Variants in SNX24 observed in about 807,000 individuals in gnomAD.
The protein encoded by SNX24 is sorting nexin 24.
A neutral mutation model predicts 28.7 loss-of-function variants in SNX24; 22 were observed. That is an observed-to-expected ratio of 0.77 (90% CI 0.55 to 1.10). The LOEUF (loss-of-function observed/expected upper bound fraction) is 1.10, where lower values mean the gene tolerates loss of function less well. SNX24 is among the 50% of genes least tolerant of loss of function. The pLI, the probability that SNX24 is intolerant of heterozygous loss-of-function variation, is 0.00. For synonymous variants in SNX24, 69 were observed against 71.5 expected (o/e 0.96, Z 0.18); for missense variants, 221 against 201.1 (o/e 1.10, Z -0.60).
intron 1 of SNX24, among the ~76,000 whole-genome samples, chr5:122,872,142 C>G (rs1220997704): frequency 6.7e-6 from 1 of 149,254 alleles, no homozygotes; most frequent in Non-Finnish European, 1.5e-5. Context: ...CTTTTTTTCT[C>G]ACTTTTGAAT....
chr5:122,976,174 T>C (rs76717601), intron 3 of SNX24, among the ~76,000 whole-genome samples: 3,711 of 152,056 alleles, frequency 0.024, 140 homozygotes, highest in African/African-American at 0.071. Flanking sequence ...GGAAGAAATA[T>C]GGGAAATTCT....
intron 1 of SNX24, among the ~76,000 whole-genome samples, chr5:122,852,393 A>G (rs1476908590): frequency 1.3e-5 from 2 of 150,774 alleles, no homozygotes; most frequent in Non-Finnish European, 3.0e-5. Context: ...GCCCAGGCTG[A>G]GTTCAGTGGT....
chr5:122,931,385 T>A (rs1299341440), intron 1 of SNX24, among the ~76,000 whole-genome samples: 1 of 152,188 alleles, frequency 6.6e-6, no homozygotes, highest in African/African-American at 2.4e-5. Flanking sequence ...ATATGTGTTG[T>A]GAATTAATAC....
At chr5:122,927,132 C>T (rs1758734947) in intron 1 of SNX24, among the ~76,000 whole-genome samples, 1 of 152,132 alleles carries the variant, frequency 6.6e-6, no homozygotes, top group Admixed American at 6.5e-5. Context: ...TTGCAACAAA[C>T]CTATGTGATA....
At chr5:122,998,846 C>G (rs1028694674) in intron 3 of SNX24, among the ~76,000 whole-genome samples, 2 of 152,188 alleles carry the variant, frequency 1.3e-5, no homozygotes, top group Non-Finnish European at 2.9e-5. Context: ...TGTTATGTAT[C>G]TTATGCACCA....
At chr5:122,954,774 A>G (rs963988789) in intron 3 of SNX24, among the ~76,000 whole-genome samples, 4 of 151,902 alleles carry the variant, frequency 2.6e-5, no homozygotes, top group African/African-American at 9.7e-5. Flanking sequence ...TTAAGGTGTT[A>G]TTTTAAAAAG....
chr5:122,999,418 C>G (rs185593143), intron 3 of SNX24, among the ~76,000 whole-genome samples: 11 of 151,738 alleles, frequency 7.2e-5, no homozygotes, highest in African/African-American at 2.4e-4. Flanking sequence ...AATAATTTAT[C>G]ATATTTCCTA....
At chr5:123,019,824 A>ACAT (rs925368332) in intron 5 of SNX24, among the ~76,000 whole-genome samples, 46 of 152,360 alleles carry the variant, frequency 3.0e-4, no homozygotes, top group African/African-American at 1.1e-3. Flanking sequence ...TTTGCAGAAA[A>ACAT]CATTAAAAAG....
chr5:123,014,048 T>C (rs1203154020), downstream of SNX24, among the ~76,000 whole-genome samples: 1 of 152,224 alleles, frequency 6.6e-6, no homozygotes, highest in African/African-American at 2.4e-5. Context: ...ATGTGTGTAT[T>C]CTTATTCCAA....
At chr5:122,930,914 A>C (rs1758925218) in intron 1 of SNX24, among the ~76,000 whole-genome samples, 1 of 152,236 alleles carries the variant, frequency 6.6e-6, no homozygotes, top group Non-Finnish European at 1.5e-5. Context: ...GTGAAATGAC[A>C]TACAGCAGGT....
chr5:122,987,971 G>A (rs1761676436), intron 3 of SNX24, among the ~76,000 whole-genome samples: 1 of 152,172 alleles, frequency 6.6e-6, no homozygotes, highest in African/African-American at 2.4e-5. Flanking sequence ...TAATCATAAT[G>A]TAAATAAAAC....
At chr5:122,905,309 A>C (rs1757602997) in intron 1 of SNX24, among the ~76,000 whole-genome samples, 1 of 152,110 alleles carries the variant, frequency 6.6e-6, no homozygotes, top group South Asian at 2.1e-4. Context: ...AGTTGGGTTC[A>C]TTCTGCCAGC....
At chr5:122,972,844 A>G (rs923003595) in intron 3 of SNX24, among the ~76,000 whole-genome samples, 1 of 152,206 alleles carries the variant, frequency 6.6e-6, no homozygotes, top group African/African-American at 2.4e-5. Flanking sequence ...GAATGGTGCC[A>G]TATCACGGGC....
At chr5:122,995,958 G>GA (rs1399074945) in intron 3 of SNX24, among the ~76,000 whole-genome samples, 2 of 152,142 alleles carry the variant, frequency 1.3e-5, no homozygotes, top group African/African-American at 2.4e-5. Flanking sequence ...CGATAGAGTG[G>GA]AAAATCATAC....
chr5:122,900,729 A>T (rs193039857), intron 1 of SNX24, among the ~76,000 whole-genome samples: 1 of 152,296 alleles, frequency 6.6e-6, no homozygotes, highest in Admixed American at 6.5e-5. Context: ...AGATCACACT[A>T]CTGCACTCCA....
Position 123,008,948 on chromosome 5 carries a change from G to T in SNX24, c.*1199G>T. 1 of 985,592 alleles carries T rather than the reference G, an allele frequency of 1.0e-6. No individual in the cohort carries two copies. Among genetic ancestry groups the T allele is most frequent in the Non-Finnish European group, 1.2e-6 (1 of 829,678 alleles). The allele number at this position is 985,592 out of a possible 1,614,324, so 61.1% of individuals were successfully genotyped here. A position where few individuals can be genotyped will look rare whatever the true frequency, so the allele number is the denominator to read the frequency against. ...TATTTATGGTTATTCGTTTTAGTAA[G>T]TTCTGTGGGAGCAAGGTATTTAAAA... On this transcript the variant is annotated 3_prime_UTR_variant, in exon 7 of 7. Coordinates refer to ENST00000261369, the MANE Select transcript of SNX24 (RefSeq NM_014035.4).
At chr5:123,029,089 C>G in intron 5 of SNX24, 1 of 940,154 alleles carries the variant, frequency 1.1e-6, no homozygotes, top group Non-Finnish European at 1.5e-6. Flanking sequence ...TAAAAGAGAG[C>G]AAACCATATT....
intron 1 of SNX24, among the ~76,000 whole-genome samples, chr5:122,863,379 G>A (rs934968519): frequency 6.6e-6 from 1 of 152,090 alleles, no homozygotes; most frequent in African/African-American, 2.4e-5. Flanking sequence ...GGATCCAGTG[G>A]GTTTGGAATG....
intron 1 of SNX24, among the ~76,000 whole-genome samples, chr5:122,919,841 AACTCTTCCCAT>A (rs1758345713): frequency 6.6e-6 from 1 of 152,062 alleles, no homozygotes; most frequent in Non-Finnish European, 1.5e-5. Context: ...GGGCCCAACA[AACTCTTCCCAT>A]ACTGTGGAGG....
Sources: allele counts gnomAD v4.1 joint callset (sites outside exome capture counted in the v4.1 genomes callset), GRCh38; gene constraint gnomAD v4.1.1; transcripts MANE v1.5; gene names NCBI Gene and HGNC (gene_info 2026-07-23, HGNC 2026-07-21).